Variants in ITGA2 observed in about 807,000 individuals in gnomAD.
The protein encoded by ITGA2 is integrin alpha-2.
A neutral mutation model predicts 146.3 loss-of-function variants in ITGA2; 101 were observed. The observed-to-expected ratio is 0.69, with a 90% CI of 0.59 to 0.81. The LOEUF is 0.81. Ranked by LOEUF, ITGA2 falls within the 40% of genes least tolerant of loss-of-function variation. ITGA2 has a pLI of 0.00. For synonymous variants in ITGA2, 477 were observed against 487.1 expected (o/e 0.98, Z 0.27); for missense variants, 1,281 against 1,402.7 (o/e 0.91, Z 1.39).
At position 53,074,442 on chromosome 5, in the gene ITGA2, G is replaced by C. The variant is rs537942498; in HGVS notation, c.2629G>C (p.Asp877His). 3 of 1,612,232 alleles carry C rather than the reference G, an allele frequency of 1.9e-6. No individual in the cohort carries two copies. Among genetic ancestry groups the C allele is most frequent in the Non-Finnish European group, 2.5e-6 (3 of 1,178,838 alleles). ...TGCATCTCAGAAGTCTGTTGCCTGC[G>C]ATGTAGGCTACCCTGCTTTAAAGAG... ...VAASQKSVAC[D>H]VGYPALKREQ... The change falls in exon 21 of 30, where the codon GAT (aspartate) becomes CAT (histidine). Residue 877 changes from aspartate to histidine, a missense_variant. Transcript: ENST00000296585.
intron 20 of ITGA2, among the ~76,000 whole-genome samples, chr5:53,073,808 A>G (rs1018504152): frequency 6.6e-6 from 1 of 151,834 alleles, no homozygotes; most frequent in African/African-American, 2.4e-5. Context: ...GGATTAAACA[A>G]TGATTTCATT....
chr5:53,022,207 C>T (rs1742720004), intron 1 of ITGA2, among the ~76,000 whole-genome samples: 1 of 63,080 alleles, frequency 1.6e-5, no homozygotes, highest in Non-Finnish European at 3.5e-5. Flanking sequence ...AGTTTCACTG[C>T]ATTTTTTTTT....
rs3797474 is a variant in ITGA2 at position 53,073,505 on chromosome 5, A to G, written c.2571+246A>G. On this transcript the variant is annotated intron_variant, in intron 20 of 29. Coordinates refer to ENST00000296585, the MANE Select transcript of ITGA2 (RefSeq NM_002203.4). ...TTGGCAGCAGTAGCCAGACACTCCC[A>G]TAACTCTTCTTGAGCTATCAGTGTG... Among the ~76,000 whole-genome samples, 16,913 of 151,832 alleles carry G rather than the reference A, an allele frequency of 0.11. 1,145 individuals are homozygous for G. Among genetic ancestry groups the G allele is most frequent in the African/African-American group, 0.19 (7,680 of 41,430 alleles).
rs776160937 is a variant in ITGA2, at chr5:53,065,838, T to C, written c.1807-3T>C. Reference sequence around the variant, plus strand: ...TAATTTCGTGTCAAACCTGCTCTTTTAGAAAATCTTGGGATCCGATGGAGC... The same window carrying C: ...TAATTTCGTGTCAAACCTGCTCTTTCAGAAAATCTTGGGATCCGATGGAGC... On this transcript the variant is annotated splice_region_variant and splice_polypyrimidine_tract_variant and intron_variant, in intron 14 of 29. Transcript: ENST00000296585. 30 of 1,611,656 alleles carry C rather than the reference T, an allele frequency of 1.9e-5. No individual in the cohort carries two copies. The highest frequency in any genetic ancestry group is 2.7e-5 in the African/African-American group (2 of 74,750).
At chr5:52,998,779 T>C (rs1364140333) in intron 1 of ITGA2, among the ~76,000 whole-genome samples, 1 of 152,200 alleles carries the variant, frequency 6.6e-6, no homozygotes, top group Non-Finnish European at 1.5e-5. Context: ...TATCAAGGGT[T>C]CTTGGCACCA....
chr5:53,045,702 TGAA>T (rs1277972516), intron 4 of ITGA2, among the ~76,000 whole-genome samples: 1 of 152,050 alleles, frequency 6.6e-6, no homozygotes, highest in Non-Finnish European at 1.5e-5. Flanking sequence ...GGAAATTTTC[TGAA>T]GGATGGAAAA....
chr5:53,049,499 C>CTG (rs200920500), intron 6 of ITGA2, among the ~76,000 whole-genome samples: 2 of 152,116 alleles, frequency 1.3e-5, no homozygotes, highest in Non-Finnish European at 2.9e-5. Flanking sequence ...AAGCATAGTT[C>CTG]CAGCATTTAT....
intron 23 of ITGA2, 84 bp from the exon 24 acceptor site, chr5:53,078,688 A>G (rs1348377907): frequency 5.0e-6 from 4 of 799,098 alleles, no homozygotes; most frequent in Middle Eastern, 2.6e-4. Context: ...AACCTAAGCT[A>G]TAAGATACTT....
At chr5:53,084,446 A>T (rs1014805221) in intron 27 of ITGA2, among the ~76,000 whole-genome samples, 4 of 152,136 alleles carry the variant, frequency 2.6e-5, no homozygotes, top group African/African-American at 9.7e-5. Context: ...GCACCCTCCA[A>T]ACTCATCCCT....
chr5:53,076,047 C>G (rs1745648925), intron 23 of ITGA2, among the ~76,000 whole-genome samples: 1 of 151,986 alleles, frequency 6.6e-6, no homozygotes, highest in Admixed American at 6.6e-5. Context: ...ACAAATTCCA[C>G]AGGTTCTAAT....
At chr5:53,063,517 A>C (rs2111970558) in intron 13 of ITGA2, among the ~76,000 whole-genome samples, 1 of 150,144 alleles carries the variant, frequency 6.7e-6, no homozygotes, top group East Asian at 2.0e-4. Context: ...TTGTGGACTG[A>C]ACTCTCTAAA....
chr5:53,048,352 T>C lies in ITGA2; in HGVS notation c.388-11T>C. On this transcript the variant is annotated splice_polypyrimidine_tract_variant and intron_variant, in intron 4 of 29. Transcript: ENST00000296585. ...TGTGTTTCCATTGATTGTTTTCTCA[T>C]TTCTTTGAAGACATGTGGTCCTCTG... 1.2e-6 allele frequency: 2 copies of C among 1,603,770 alleles called. No individual in the cohort carries two copies. Among genetic ancestry groups the C allele is most frequent in the Non-Finnish European group, 1.7e-6 (2 of 1,170,534 alleles).
intron 2 of ITGA2, among the ~76,000 whole-genome samples, chr5:53,030,695 G>A (rs778611288): frequency 6.6e-6 from 1 of 152,234 alleles, no homozygotes; most frequent in Non-Finnish European, 1.5e-5. Flanking sequence ...GCAAAACATA[G>A]TTGTTGGCCT....
intron 2 of ITGA2, among the ~76,000 whole-genome samples, chr5:53,028,731 G>A (rs1159247993): frequency 2.0e-5 from 3 of 152,158 alleles, no homozygotes. Context: ...AAGCTAATGA[G>A]GCCAAAAATC....
At chr5:52,995,260 T>G (rs753707374) in intron 1 of ITGA2, among the ~76,000 whole-genome samples, 14 of 152,144 alleles carry the variant, frequency 9.2e-5, no homozygotes, top group Non-Finnish European at 1.8e-4. Flanking sequence ...TGAAGGGCCT[T>G]GAGCAGGGGA....
At chr5:53,051,045 G>A (rs1317186983) in intron 6 of ITGA2, among the ~76,000 whole-genome samples, 1 of 152,046 alleles carries the variant, frequency 6.6e-6, no homozygotes, top group Non-Finnish European at 1.5e-5. Flanking sequence ...TCTGTCCATT[G>A]GTAATTAGAA....
chr5:53,065,690 T>G (rs1239280967), intron 14 of ITGA2, 151 bp from the exon 15 acceptor site: 1 of 938,212 alleles, frequency 1.1e-6, no homozygotes, highest in African/African-American at 1.7e-5. Context: ...GATAATAAGA[T>G]GTGATTAAAA....
chr5:53,087,417 T>G (rs1746211705), intron 28 of ITGA2, among the ~76,000 whole-genome samples: 1 of 152,202 alleles, frequency 6.6e-6, no homozygotes, highest in African/African-American at 2.4e-5. Flanking sequence ...GTCTGGAGCT[T>G]AGGCCACAAA....
chr5:53,077,146 G>C (rs1270035116), intron 23 of ITGA2, among the ~76,000 whole-genome samples: 1 of 151,944 alleles, frequency 6.6e-6, no homozygotes, highest in South Asian at 2.1e-4. Context: ...TTCATATGAG[G>C]ACATACAGAT....
Sources: allele counts gnomAD v4.1 joint callset (sites outside exome capture counted in the v4.1 genomes callset), GRCh38; gene constraint gnomAD v4.1.1; transcripts MANE v1.5; gene names NCBI Gene and HGNC (gene_info 2026-07-23, HGNC 2026-07-21).